LNX1: variants seen among roughly 807,000 people sequenced by gnomAD.
The protein encoded by LNX1 is ligand of numb-protein X 1.
LNX1 carries 54 observed loss-of-function variants against 68.4 expected under a neutral mutation model. The observed-to-expected ratio is 0.79, with a 90% CI of 0.63 to 0.99. The LOEUF (loss-of-function observed/expected upper bound fraction) is 0.99, where lower values mean the gene tolerates loss of function less well. Ranked by LOEUF, LNX1 falls within the 50% of genes least tolerant of loss-of-function variation. The pLI, the probability that LNX1 is intolerant of heterozygous loss-of-function variation, is 0.00. For synonymous variants in LNX1, 336 were observed against 350.0 expected, an observed-to-expected ratio of 0.96 and a Z score of 0.45; for missense variants, 906 against 926.4, an observed-to-expected ratio of 0.98 and a Z score of 0.29.
intron 2 of LNX1, among the ~76,000 whole-genome samples, chr4:53,565,795 G>C (rs1730636125): frequency 6.6e-6 from 1 of 150,420 alleles, no homozygotes; most frequent in African/African-American, 2.4e-5. Context: ...ATACAGAGAA[G>C]TGCTTAAAGG....
intron 1 of LNX1, among the ~76,000 whole-genome samples, chr4:53,630,148 G>A (rs1411734926): frequency 6.6e-6 from 1 of 152,052 alleles, no homozygotes; most frequent in African/African-American, 2.4e-5. Flanking sequence ...TTTACCCTGT[G>A]CTAGAGAGTA....
chr4:53,459,597 T>A lies in LNX1; in HGVS notation c.*1310A>T. 1 of 1,126,058 alleles carries A rather than the reference T, an allele frequency of 8.9e-7. No homozygotes were observed. The highest frequency in any genetic ancestry group is 1.4e-5 in the South Asian group (1 of 69,520). The allele number at this position is 1,126,058 out of a possible 1,614,324, so 69.8% of individuals were successfully genotyped here. Reference sequence around the variant, plus strand: ...TAACTTTTTTTCCAAAATAAAAGAGTGAATTTTTCATGTTAAGTTAAAAAT... The same window carrying A: ...TAACTTTTTTTCCAAAATAAAAGAGAGAATTTTTCATGTTAAGTTAAAAAT... On this transcript the variant is annotated 3_prime_UTR_variant, in exon 11 of 11. Coordinates refer to ENST00000263925, the MANE Select transcript of LNX1 (RefSeq NM_001126328.3).
intron 2 of LNX1, among the ~76,000 whole-genome samples, chr4:53,613,346 A>T (rs1056622188): frequency 7.4e-5 from 11 of 148,740 alleles, no homozygotes; most frequent in African/African-American, 9.9e-5. Context: ...CTTTCCAGGA[A>T]TTTTTTTTTT....
intron 4 of LNX1, among the ~76,000 whole-genome samples, chr4:53,505,190 C>T (rs764794774): frequency 3.9e-4 from 59 of 152,030 alleles, no homozygotes; most frequent in Non-Finnish European, 5.3e-4. Context: ...GCACCTAGGC[C>T]GGTGCCTTAC....
chr4:53,561,352 C>T (rs1487966586), intron 2 of LNX1, among the ~76,000 whole-genome samples: 2 of 152,056 alleles, frequency 1.3e-5, no homozygotes, highest in Admixed American at 6.6e-5. Context: ...CTCAGCCTCC[C>T]GAGTAGCTGG....
chr4:53,510,366 T>C (rs183210363), intron 2 of LNX1, among the ~76,000 whole-genome samples: 1 of 152,330 alleles, frequency 6.6e-6, no homozygotes, highest in East Asian at 1.9e-4. Context: ...CATCTTAGAT[T>C]AGATGAAATG....
At chr4:53,492,656 G>A (rs992993252) in intron 6 of LNX1, among the ~76,000 whole-genome samples, 5 of 152,118 alleles carry the variant, frequency 3.3e-5, no homozygotes, top group East Asian at 3.9e-4. Context: ...GGCTCCAGCC[G>A]TCACTCAGAC....
At chr4:53,608,544 A>G (rs1462002982) in intron 2 of LNX1, among the ~76,000 whole-genome samples, 1 of 152,178 alleles carries the variant, frequency 6.6e-6, no homozygotes, top group South Asian at 2.1e-4. Flanking sequence ...CACCGTGGAA[A>G]GCAGTGTGGA....
chr4:53,608,200 A>C (rs1462053454), intron 2 of LNX1, among the ~76,000 whole-genome samples: 1 of 152,230 alleles, frequency 6.6e-6, no homozygotes, highest in Non-Finnish European at 1.5e-5. Flanking sequence ...ATGGGAGAAA[A>C]TATTTGTAAA....
chr4:53,498,788 G>T lies in LNX1; in HGVS notation c.831C>A (p.Ile277=). 1 of 1,614,082 alleles carries T rather than the reference G, an allele frequency of 6.2e-7. No individual in the cohort carries two copies. Among genetic ancestry groups the T allele is most frequent in the Non-Finnish European group, 8.5e-7 (1 of 1,179,974 alleles). Residue 277 remains isoleucine, a synonymous_variant, in exon 5 of 11, where the codon ATC becomes ATA. Coordinates refer to ENST00000263925, the MANE Select transcript of LNX1 (RefSeq NM_001126328.3). ...IPDGEITSIK[I]NRVDPSESLS... ...GGCTTTCACTGGGATCTACTCGATTGATCTTGATGCTGGTAATTTCACCAT... is the reference window on the plus strand; with the variant it reads ...GGCTTTCACTGGGATCTACTCGATTTATCTTGATGCTGGTAATTTCACCAT...
chr4:53,486,258 T>C (rs1458671460), intron 6 of LNX1, among the ~76,000 whole-genome samples: 1 of 151,726 alleles, frequency 6.6e-6, no homozygotes, highest in Non-Finnish European at 1.5e-5. Flanking sequence ...ACCATATTGA[T>C]GCCAAACTTA....
chr4:53,465,892 T>TACTA (rs1314366655), intron 9 of LNX1, among the ~76,000 whole-genome samples: 7 of 152,244 alleles, frequency 4.6e-5, no homozygotes, highest in African/African-American at 1.7e-4. Flanking sequence ...TTTTTAATCT[T>TACTA]ACTAACTTAA....
chr4:53,648,887 A>G (rs1734988885), intron 1 of LNX1, among the ~76,000 whole-genome samples: 1 of 152,202 alleles, frequency 6.6e-6, no homozygotes, highest in African/African-American at 2.4e-5. Flanking sequence ...CAATCATGAC[A>G]ATCACTATTG....
At chr4:53,632,077 G>A (rs1433135346) in intron 1 of LNX1, among the ~76,000 whole-genome samples, 1 of 152,054 alleles carries the variant, frequency 6.6e-6, no homozygotes, top group Non-Finnish European at 1.5e-5. Context: ...AGTGGAGGGA[G>A]GTGGGTCATT....
chr4:53,464,016 G>T (rs1722440946), intron 9 of LNX1, among the ~76,000 whole-genome samples: 1 of 152,006 alleles, frequency 6.6e-6, no homozygotes, highest in African/African-American at 2.4e-5. Flanking sequence ...TCTTCCTGAT[G>T]ATTTAAATTA....
chr4:53,481,059 T>C (rs1299357818), intron 7 of LNX1, among the ~76,000 whole-genome samples: 1 of 152,228 alleles, frequency 6.6e-6, no homozygotes, highest in East Asian at 1.9e-4. Context: ...GTTAAGGCAT[T>C]GCCTCTAATA....
chr4:53,475,172 A>C lies in LNX1; in HGVS notation c.1892+1581T>G, dbSNP rs143228088. ...CTTGGTTGTATTTGGAGCAAAAAGC[A>C]CCTCACATTGTCCTCTCTTACACAA... On this transcript the variant is annotated intron_variant, in intron 9 of 10. Transcript: ENST00000263925. 4.4e-3 allele frequency among the ~76,000 whole-genome samples: 676 copies of C among 152,326 alleles called. 9 individuals are homozygous for C. The highest frequency in any genetic ancestry group is 0.016 in the African/African-American group (645 of 41,576).
At chr4:53,495,540 T>C (rs1724986845) in intron 6 of LNX1, among the ~76,000 whole-genome samples, 1 of 151,134 alleles carries the variant, frequency 6.6e-6, no homozygotes. Flanking sequence ...GGAGAATGCA[T>C]GGCATAGCTT....
At chr4:53,609,341 T>C (rs1733375128) in intron 2 of LNX1, among the ~76,000 whole-genome samples, 1 of 151,756 alleles carries the variant, frequency 6.6e-6, no homozygotes, top group Admixed American at 6.6e-5. Context: ...TATATCACTT[T>C]AAAAATTTAA....
Sources: allele counts gnomAD v4.1 joint callset (sites outside exome capture counted in the v4.1 genomes callset), GRCh38; gene constraint gnomAD v4.1.1; transcripts MANE v1.5; gene names NCBI Gene and HGNC (gene_info 2026-07-23, HGNC 2026-07-21).